SLF2: variants seen among roughly 807,000 people sequenced by gnomAD.
The protein encoded by SLF2 is SMC5/6 complex localization factor 2, also known as SMC5-SMC6 complex localization factor protein 2.
Under a neutral mutation model 124.3 loss-of-function variants are expected in SLF2, and 68 were observed. The ratio of observed to expected loss-of-function variants is 0.55; its 90% CI spans 0.45 to 0.67. SLF2 has a LOEUF of 0.67. Among genes scored for constraint, SLF2 ranks in the 30% least tolerant of loss-of-function variants. The probability of loss-of-function intolerance (pLI) is 0.00; values close to 1 mark genes in which losing one functional copy is unlikely to be tolerated. For missense variants in SLF2, 1,246 were observed against 1,373.7 expected (o/e 0.91, Z 1.47); for synonymous variants, 480 against 478.8 (o/e 1.00, Z -0.03).
At chr10:100,935,577 G>A (rs1358690882) in intron 9 of SLF2, among the ~76,000 whole-genome samples, 1 of 151,690 alleles carries the variant, frequency 6.6e-6, no homozygotes. Context: ...CTACTTGGGA[G>A]GATGAGGCAC....
intron 1 of SLF2, chr10:100,913,938 A>C: frequency 1.1e-6 from 1 of 910,728 alleles, no homozygotes; most frequent in Non-Finnish European, 1.3e-6. Context: ...AGTTTTAACA[A>C]TATTCATGTT....
At chr10:100,948,849 G>A (rs1225993969) in intron 15 of SLF2, among the ~76,000 whole-genome samples, 1 of 152,156 alleles carries the variant, frequency 6.6e-6, no homozygotes, top group Non-Finnish European at 1.5e-5. Flanking sequence ...TCACGCCACC[G>A]CACTCCAGCC....
chr10:100,914,926 A>G (rs1467317031), intron 1 of SLF2, among the ~76,000 whole-genome samples: 15 of 152,216 alleles, frequency 9.9e-5, no homozygotes, highest in Admixed American at 9.8e-4. Flanking sequence ...AGGGAAATCA[A>G]TAGTCTATAG....
intron 17 of SLF2, among the ~76,000 whole-genome samples, chr10:100,954,093 CA>C (rs11317743): frequency 0.83 from 120,026 of 145,104 alleles, 49,381 homozygotes; most frequent in African/African-American, 0.86. Context: ...GCCATCTTTA[CA>C]AAAAAAAAAA....
In SLF2 at chr10:100,963,044, G is replaced by A. The variant is rs574116268; in HGVS notation, c.*1132G>A. ...CCAACTAGAAAATTATTTTGTTGAC[G>A]AGATGTCCCTTTTAGGAGGGTTTGT... is the stretch of plus-strand genomic sequence containing the variant. On this transcript the variant is annotated 3_prime_UTR_variant, in exon 20 of 20. Transcript: ENST00000238961. 5.9e-5 allele frequency: 9 copies of A among 152,534 alleles called. No individual in the cohort carries two copies. The highest frequency in any genetic ancestry group is 1.2e-4 in the Non-Finnish European group (8 of 68,020). The allele number at this position is 152,534 out of a possible 1,614,324, so 9.4% of individuals were successfully genotyped here.
At chr10:100,950,272 T>C in intron 16 of SLF2, 65 bp downstream of exon 16, 3 of 1,494,344 alleles carry the variant, frequency 2.0e-6, no homozygotes, top group Non-Finnish European at 1.8e-6. Context: ...TTACTAACCA[T>C]AGACTGATAT....
rs1398077489 is a variant in SLF2, at chr10:100,943,133, A to G, written c.2655-893A>G. On this transcript the variant is annotated intron_variant, in intron 11 of 19. Transcript: ENST00000238961. Reference sequence around the variant, plus strand: ...CAGCCCCCATCCTCTAGGAGTCACAATATTATTAGCATAAATTTAGGTATG... The same window carrying G: ...CAGCCCCCATCCTCTAGGAGTCACAGTATTATTAGCATAAATTTAGGTATG... Among the ~76,000 whole-genome samples the G allele has an allele frequency of 2.0e-5, 3 of 152,338 alleles. No homozygotes were observed. In the Middle Eastern group the frequency reaches 0.01, roughly 518 times the overall value.
In SLF2 at chr10:100,962,019, A is replaced by T; in HGVS notation, c.*107A>T. 1 of 1,038,790 alleles carries T rather than the reference A, an allele frequency of 9.6e-7. No homozygotes were observed. The highest frequency in any genetic ancestry group is 1.4e-6 in the Non-Finnish European group (1 of 710,024). 64.3% of individuals were successfully genotyped at this position (1,038,790 alleles called of 1,614,324 possible). A position where few individuals can be genotyped will look rare whatever the true frequency, so the allele number is the denominator to read the frequency against. ...AATCCAATGAATGCCAAGAAAATGT[A>T]CAGCAAATGTGCCACTTGAATATCT... On this transcript the variant is annotated 3_prime_UTR_variant, in exon 20 of 20. Coordinates refer to ENST00000238961, the MANE Select transcript of SLF2 (RefSeq NM_018121.4).
chr10:100,950,509 T>A (rs1850190046), intron 16 of SLF2, among the ~76,000 whole-genome samples, 167 bp from the exon 17 acceptor site: 1 of 152,206 alleles, frequency 6.6e-6, no homozygotes, highest in South Asian at 2.1e-4. Context: ...GCACTTGAGT[T>A]AGAAATGAGA....
intron 6 of SLF2, among the ~76,000 whole-genome samples, chr10:100,927,115 A>G (rs1849630227): frequency 6.6e-6 from 1 of 152,112 alleles, no homozygotes; most frequent in Non-Finnish European, 1.5e-5. Flanking sequence ...AAAATTTACC[A>G]TTTTAACCAT....
chr10:100,952,656 C>T (rs527730742), intron 17 of SLF2, among the ~76,000 whole-genome samples: 24 of 151,578 alleles, frequency 1.6e-4, no homozygotes, highest in Middle Eastern at 3.4e-3. Context: ...ACTGTGTTTG[C>T]GGTTGGGCAC....
rs1325645498 is a variant in SLF2 at position 100,938,673 on chromosome 10, T to C, written c.2591T>C (p.Ile864Thr). The C allele has an allele frequency of 6.2e-7, 1 of 1,613,828 alleles. No homozygotes were observed. The highest frequency in any genetic ancestry group is 1.3e-5 in the African/African-American group (1 of 75,050). Residue 864 changes from isoleucine (I) to threonine (T), a missense_variant, in exon 11 of 20, where the codon ATT becomes ACT. By Grantham distance (89) the Ile-to-Thr change is moderately conservative. Around this residue, in one of 3 missense-constraint regions of SLF2, gnomAD observed 535 missense variants for 632.8 expected, o/e 0.85. Transcript: ENST00000238961. ...DVAAVFFNMG[I>T]DFRSLFPLEN... ...GCAGCTGTGTTTTTCAATATGGGGA[T>C]TGATTTTAGATCTTTGTTTCCCCTG...
chr10:100,915,180 T>C (rs1849391718), intron 1 of SLF2, among the ~76,000 whole-genome samples: 1 of 152,186 alleles, frequency 6.6e-6, no homozygotes, highest in African/African-American at 2.4e-5. Context: ...AAAATTAATT[T>C]GGTTTTTGTT....
chr10:100,937,146 C>T (rs1849879229), intron 9 of SLF2, among the ~76,000 whole-genome samples: 1 of 151,972 alleles, frequency 6.6e-6, no homozygotes, highest in Non-Finnish European at 1.5e-5. Flanking sequence ...ACCAGTCCTC[C>T]ACTACAGGTG....
At chr10:100,944,665 C>G (rs2133810927) in intron 12 of SLF2, among the ~76,000 whole-genome samples, 1 of 152,134 alleles carries the variant, frequency 6.6e-6, no homozygotes, top group South Asian at 2.1e-4. Context: ...AGTTTTGAAA[C>G]CAATAGTTTT....
chr10:100,924,125 T>C lies in SLF2; in HGVS notation c.1124T>C (p.Ile375Thr). 6.2e-7 allele frequency: 1 copy of C among 1,613,058 alleles called. No homozygotes were observed. The highest frequency in any genetic ancestry group is 8.5e-7 in the Non-Finnish European group (1 of 1,179,782). The change falls in exon 5 of 20, where the codon ATA becomes ACA. Residue 375 changes from isoleucine (I) to threonine (T), a missense_variant. By Grantham distance (89) the Ile-to-Thr change is moderately conservative. Transcript: ENST00000238961. ...PDGPHQKEKF[I>T]KHIALKTPGD... ...GGACCACATCAGAAAGAAAAATTTA[T>C]AAAACATATTGCACTGAAGACACCT...
chr10:100,943,759 A>G, intron 11 of SLF2: 1 of 308,924 alleles, frequency 3.2e-6, no homozygotes. Flanking sequence ...AGAAATCATT[A>G]GTGTTTGCCT....
At chr10:100,920,472 A>G (rs1168271226) in intron 4 of SLF2, among the ~76,000 whole-genome samples, 1 of 152,182 alleles carries the variant, frequency 6.6e-6, no homozygotes, top group Admixed American at 6.5e-5. Flanking sequence ...CGTCACTTAT[A>G]TTTTTATTAC....
chr10:100,937,719 G>A (rs540120552), intron 10 of SLF2, among the ~76,000 whole-genome samples: 18 of 151,534 alleles, frequency 1.2e-4, no homozygotes, highest in Admixed American at 3.9e-4. Context: ...AGCAATTCTC[G>A]TGCCTCAGCC....
Sources: allele counts gnomAD v4.1 joint callset (sites outside exome capture counted in the v4.1 genomes callset), GRCh38; gene constraint gnomAD v4.1.1; regional missense constraint gnomAD v4.1.1; transcripts MANE v1.5; gene names NCBI Gene and HGNC (gene_info 2026-07-23, HGNC 2026-07-21).